The following LDLRAD4 variants were observed in gnomAD, a reference collection of about 807,000 sequenced individuals.
LDLRAD4 encodes low density lipoprotein receptor class A domain containing 4, also known as low-density lipoprotein receptor class A domain-containing protein 4.
LDLRAD4 carries 5 observed loss-of-function variants against 17.0 expected under a neutral mutation model. The observed-to-expected ratio is 0.29, with a 90% CI of 0.15 to 0.62. The LOEUF is 0.62. Among genes scored for constraint, LDLRAD4 ranks in the 20% least tolerant of loss-of-function variants. LDLRAD4 has a pLI of 0.84. For missense variants in LDLRAD4, 340 were observed against 424.7 expected, an observed-to-expected ratio of 0.80 and a Z score of 1.75; for synonymous variants, 168 against 171.8, an observed-to-expected ratio of 0.98 and a Z score of 0.17.
At chr18:13,515,749 G>T (rs1184634090) in intron 3 of LDLRAD4, 1 of 152,162 alleles carries the variant, frequency 6.6e-6, no homozygotes. Flanking sequence ...ACTGCTTGAG[G>T]TATTTATTTG....
At chr18:13,326,338 A>G (rs1482290677) in intron 1 of LDLRAD4, among the ~76,000 whole-genome samples, 3 of 152,182 alleles carry the variant, frequency 2.0e-5, no homozygotes, top group Non-Finnish European at 4.4e-5. Flanking sequence ...GTGCCAGTAA[A>G]TCTGCATTTT....
At chr18:13,261,037 C>T (rs1191069010) in intron 1 of LDLRAD4, among the ~76,000 whole-genome samples, 1 of 152,234 alleles carries the variant, frequency 6.6e-6, no homozygotes, top group Non-Finnish European at 1.5e-5. Flanking sequence ...CTTTCCCCAT[C>T]CCTCCTCTAA....
chr18:13,635,839 C>T (rs2042026776), intron 4 of LDLRAD4, among the ~76,000 whole-genome samples: 1 of 152,202 alleles, frequency 6.6e-6, no homozygotes, highest in African/African-American at 2.4e-5. Flanking sequence ...CGGAGCTGCC[C>T]TTGGGGGCAA....
intron 5 of LDLRAD4, among the ~76,000 whole-genome samples, chr18:13,643,673 C>T (rs1222075155): frequency 6.6e-6 from 1 of 152,230 alleles, no homozygotes; most frequent in African/African-American, 2.4e-5. Flanking sequence ...ATCCCGTAAG[C>T]TTCTACTAAT....
intron 3 of LDLRAD4, among the ~76,000 whole-genome samples, chr18:13,483,848 C>G (rs2093156065): frequency 6.6e-6 from 1 of 152,132 alleles, no homozygotes; most frequent in South Asian, 2.1e-4. Context: ...CTGTTCTGAG[C>G]CCCTCCTTCC....
chr18:13,479,974 G>A (rs757864850), intron 3 of LDLRAD4, among the ~76,000 whole-genome samples: 9 of 152,192 alleles, frequency 5.9e-5, no homozygotes, highest in South Asian at 4.2e-4. Context: ...CATCTATGGC[G>A]GGGGGCAGCC....
At chr18:13,423,816 C>T (rs2089692394) in intron 2 of LDLRAD4, 1 of 152,318 alleles carries the variant, frequency 6.6e-6, no homozygotes, top group Admixed American at 6.5e-5. Flanking sequence ...TTTCACTGTA[C>T]AAGAAACTTA....
intron 3 of LDLRAD4, among the ~76,000 whole-genome samples, chr18:13,470,298 C>G (rs1193733148): frequency 6.6e-6 from 1 of 152,042 alleles, no homozygotes; most frequent in Non-Finnish European, 1.5e-5. Context: ...TATTTTCTCA[C>G]CTGCAAGTTT....
chr18:13,536,964 G>A (rs2094209095), intron 3 of LDLRAD4, among the ~76,000 whole-genome samples: 1 of 151,822 alleles, frequency 6.6e-6, no homozygotes. Flanking sequence ...TACATGTTTG[G>A]GATAAATCCC....
At chr18:13,543,599 A>G (rs1467111346) in intron 3 of LDLRAD4, 1 of 152,222 alleles carries the variant, frequency 6.6e-6, no homozygotes, top group Non-Finnish European at 1.5e-5. Context: ...TTAACATCTC[A>G]TCTATTAAAA....
intron 3 of LDLRAD4, among the ~76,000 whole-genome samples, chr18:13,528,244 G>A (rs2094066392): frequency 6.6e-6 from 1 of 152,206 alleles, no homozygotes; most frequent in Non-Finnish European, 1.5e-5. Context: ...GTCTTCCTCT[G>A]CCAGCACTGA....
At chr18:13,262,782 G>A (rs1266314778) in intron 1 of LDLRAD4, among the ~76,000 whole-genome samples, 2 of 91,528 alleles carry the variant, frequency 2.2e-5, no homozygotes, top group East Asian at 3.7e-4. Flanking sequence ...GCTGAGTCCC[G>A]TGCGGCTCTG....
chr18:13,370,855 C>A (rs528861479), intron 1 of LDLRAD4, among the ~76,000 whole-genome samples: 2 of 151,604 alleles, frequency 1.3e-5, no homozygotes, highest in East Asian at 1.9e-4. Context: ...GGACTACAGG[C>A]GCGCACCACC....
At chr18:13,466,275 A>C (rs951452678) in intron 3 of LDLRAD4, among the ~76,000 whole-genome samples, 1 of 152,024 alleles carries the variant, frequency 6.6e-6, no homozygotes. Flanking sequence ...GTTCAAGACT[A>C]ACCTGGGCAA....
chr18:13,442,269 C>T (rs1262412050), intron 3 of LDLRAD4, among the ~76,000 whole-genome samples: 1 of 152,100 alleles, frequency 6.6e-6, no homozygotes, highest in Non-Finnish European at 1.5e-5. Context: ...CGAATTCACA[C>T]CTGCACAAAG....
intron 4 of LDLRAD4, among the ~76,000 whole-genome samples, chr18:13,627,266 T>TA (rs1322854128): frequency 1.3e-5 from 2 of 151,870 alleles, no homozygotes; most frequent in Non-Finnish European, 2.9e-5. Flanking sequence ...ATCTCAAAAA[T>TA]AAAAAAATAA....
intron 2 of LDLRAD4, among the ~76,000 whole-genome samples, chr18:13,415,465 A>G (rs1187373221): frequency 6.6e-6 from 1 of 151,820 alleles, no homozygotes; most frequent in East Asian, 1.9e-4. Flanking sequence ...GGCCCCGGCT[A>G]CTCTAGGGTG....
Position 13,406,525 on chromosome 18 carries a change from T to C in LDLRAD4, c.40+18763T>C, listed in dbSNP as rs183452390. ...ATTCTCTGCCCCGTCGATGCCGTGG[T>C]GCGCATGATTATTATTTTGTTTACT... On this transcript the variant is annotated intron_variant, in intron 2 of 5. Coordinates refer to ENST00000359446, the Ensembl canonical transcript of LDLRAD4. Among the ~76,000 whole-genome samples, 245 of 152,204 alleles carry C rather than the reference T, an allele frequency of 1.6e-3. 1 individual carries two copies. Among genetic ancestry groups the C allele is most frequent in the Non-Finnish European group, 2.8e-3 (191 of 68,000 alleles).
intron 3 of LDLRAD4, among the ~76,000 whole-genome samples, chr18:13,523,878 C>T (rs1338838990): frequency 6.6e-6 from 1 of 152,154 alleles, no homozygotes; most frequent in African/African-American, 2.4e-5. Context: ...GGAGACAGCC[C>T]ATCTCTCTGG....
Sources: gnomAD v4.1 joint callset for allele counts (sites outside exome capture counted in the v4.1 genomes callset) on GRCh38, gnomAD v4.1.1 for gene constraint, MANE v1.5 for transcripts, NCBI Gene and HGNC (gene_info 2026-07-23, HGNC 2026-07-21) for gene names.